FAM174A: variants seen among roughly 807,000 people sequenced by gnomAD.
The protein encoded by FAM174A is membrane protein FAM174A.
Under a neutral mutation model 14.3 loss-of-function variants are expected in FAM174A, and 14 were observed. The observed-to-expected ratio is 0.98, with a 90% CI of 0.65 to 1.53. The LOEUF (loss-of-function observed/expected upper bound fraction) is 1.53. FAM174A is among the 40% of genes most tolerant of loss of function. FAM174A has a pLI of 0.00. For synonymous variants in FAM174A, 108 were observed against 111.4 expected (o/e 0.97, Z 0.19); for missense variants, 241 against 249.6 (o/e 0.97, Z 0.23).
At chr5:100,540,923 C>T (rs1746037290) in intron 1 of FAM174A, among the ~76,000 whole-genome samples, 1 of 152,162 alleles carries the variant, frequency 6.6e-6, no homozygotes, top group Admixed American at 6.5e-5. Flanking sequence ...AGACTACCTG[C>T]CCTGATACTA....
In FAM174A at chr5:100,535,876, G is replaced by A; in HGVS notation, c.346G>A (p.Gly116Ser). ...GGGLAVSPNP[G>S]DKPMTQRALT... ...CGGCCTTGCTGTGAGCCCCAACCCT[G>A]GCGACAAGCCCATGACCCAGCGGGC... Residue 116 changes from glycine to serine, a missense_variant, in exon 1 of 3, where the codon GGC (glycine) becomes AGC (serine). Physicochemically the swap from Gly to Ser is moderately conservative, Grantham distance 56 (BLOSUM62 0). Transcript: ENST00000312637. 6 of 1,613,118 alleles carry A rather than the reference G, an allele frequency of 3.7e-6. No individual in the cohort carries two copies. The highest frequency in any genetic ancestry group is 5.1e-6 in the Non-Finnish European group (6 of 1,179,938).
chr5:100,583,848 T>C (rs1747067511), intron 2 of FAM174A, among the ~76,000 whole-genome samples: 1 of 152,320 alleles, frequency 6.6e-6, no homozygotes, highest in East Asian at 1.9e-4. Flanking sequence ...TTCTCTCTAT[T>C]GGGATCTCTT....
At chr5:100,538,848 GT>G (rs1745992933) in intron 1 of FAM174A, among the ~76,000 whole-genome samples, 1 of 151,584 alleles carries the variant, frequency 6.6e-6, no homozygotes, top group Non-Finnish European at 1.5e-5. Context: ...TCTCTCCACA[GT>G]AAAATGTATA....
chr5:100,561,644 A>G (rs1406163835), intron 1 of FAM174A, among the ~76,000 whole-genome samples: 1 of 151,922 alleles, frequency 6.6e-6, no homozygotes, highest in African/African-American at 2.4e-5. Flanking sequence ...ATATACATAC[A>G]GTTTCTTAGA....
chr5:100,549,377 G>A (rs1005079397), intron 1 of FAM174A, among the ~76,000 whole-genome samples: 3 of 152,036 alleles, frequency 2.0e-5, no homozygotes, highest in African/African-American at 7.2e-5. Context: ...GATATGACAA[G>A]GAAACTATGT....
chr5:100,577,164 A>C (rs1301335132), intron 2 of FAM174A, among the ~76,000 whole-genome samples: 1 of 152,150 alleles, frequency 6.6e-6, no homozygotes. Context: ...TCAAGATATC[A>C]CAAGTACCTT....
chr5:100,553,067 CAT>C (rs916555997), intron 1 of FAM174A, among the ~76,000 whole-genome samples: 51 of 152,108 alleles, frequency 3.4e-4, no homozygotes, highest in Middle Eastern at 3.4e-3. Context: ...TCTATATCTA[CAT>C]GTGTGTGTAT....
intron 2 of FAM174A, among the ~76,000 whole-genome samples, chr5:100,570,474 A>G (rs1015196019): frequency 6.6e-6 from 1 of 151,966 alleles, no homozygotes; most frequent in East Asian, 1.9e-4. Flanking sequence ...AAAAAATGAT[A>G]CTCATGTTTA....
intron 1 of FAM174A, among the ~76,000 whole-genome samples, chr5:100,546,044 C>T (rs1041571260): frequency 2.6e-5 from 4 of 152,168 alleles, no homozygotes; most frequent in Admixed American, 6.6e-5. Context: ...GTATTTTAAT[C>T]AGGATAGTAC....
In FAM174A at chr5:100,586,226, A is replaced by C. The variant is rs1395330239; in HGVS notation, c.*42A>C. ...GAAAGAACTTTATCTTTCTACAATG[A>C]AGAGTGGAATTTCTATGTTTAAGGA... On this transcript the variant is annotated 3_prime_UTR_variant, in exon 3 of 3. Coordinates refer to ENST00000312637, the MANE Select transcript of FAM174A (RefSeq NM_198507.3). 7.2e-7 allele frequency: 1 copy of C among 1,391,004 alleles called. No homozygotes were observed. The highest frequency in any genetic ancestry group is 9.9e-7 in the Non-Finnish European group (1 of 1,010,456). The allele number at this position is 1,391,004 out of a possible 1,614,324, so 86.2% of individuals were successfully genotyped here. A position where few individuals can be genotyped will look rare whatever the true frequency, so the allele number is the denominator to read the frequency against.
intron 2 of FAM174A, chr5:100,581,347 A>G: frequency 1.0e-6 from 1 of 984,058 alleles, no homozygotes; most frequent in Non-Finnish European, 1.2e-6. Flanking sequence ...CTTTTTTCAG[A>G]CTGCTGTGGA....
At chr5:100,558,690 T>C (rs1044436017) in intron 1 of FAM174A, among the ~76,000 whole-genome samples, 43 of 152,314 alleles carry the variant, frequency 2.8e-4, no homozygotes, top group African/African-American at 1.0e-3. Flanking sequence ...TACCATTATG[T>C]AATGGCCTTC....
intron 1 of FAM174A, among the ~76,000 whole-genome samples, chr5:100,537,192 G>T (rs1580360628): frequency 6.6e-6 from 1 of 152,062 alleles, no homozygotes; most frequent in Non-Finnish European, 1.5e-5. Flanking sequence ...GAATTACTTT[G>T]TATGCTTCAA....
chr5:100,569,787 G>C (rs1394795335), intron 2 of FAM174A, among the ~76,000 whole-genome samples: 5 of 151,644 alleles, frequency 3.3e-5, no homozygotes. Flanking sequence ...TGGACAAAAT[G>C]CTCAGCCTCA....
intron 2 of FAM174A, among the ~76,000 whole-genome samples, chr5:100,579,976 T>C (rs914866324): frequency 5.3e-5 from 8 of 152,204 alleles, no homozygotes; most frequent in Admixed American, 5.2e-4. Context: ...GCTTCACTGA[T>C]ATTAATTATA....
intron 2 of FAM174A, among the ~76,000 whole-genome samples, chr5:100,578,074 G>C (rs1746937253): frequency 6.6e-6 from 1 of 152,074 alleles, no homozygotes; most frequent in South Asian, 2.1e-4. Flanking sequence ...GTTTGTAGAA[G>C]AAATAGGAAT....
chr5:100,571,672 G>GTGTGTA (rs1554047761), intron 2 of FAM174A, among the ~76,000 whole-genome samples: 2,740 of 136,620 alleles, frequency 0.02, 86 homozygotes, highest in African/African-American at 0.069. Context: ...GTGTGTGTGT[G>GTGTGTA]TATATATATA....
chr5:100,586,319 G>A lies in FAM174A; in HGVS notation c.*135G>A. 1.9e-6 allele frequency: 1 copy of A among 539,540 alleles called. No homozygotes were observed. Among genetic ancestry groups the A allele is most frequent in the Admixed American group, 3.2e-5 (1 of 31,050 alleles). 33.4% of individuals were successfully genotyped at this position (539,540 alleles called of 1,614,324 possible). On this transcript the variant is annotated 3_prime_UTR_variant, in exon 3 of 3. Transcript: ENST00000312637. Reference sequence around the variant, plus strand: ...CATATATTTTAACAACCTTTAATTTGCTGTTGCAATAAATACCGTATCCTT... The same window carrying A: ...CATATATTTTAACAACCTTTAATTTACTGTTGCAATAAATACCGTATCCTT...
intron 2 of FAM174A, among the ~76,000 whole-genome samples, chr5:100,569,526 A>C (rs1232757609): frequency 6.6e-6 from 1 of 151,902 alleles, no homozygotes; most frequent in African/African-American, 2.4e-5. Context: ...ACTGCAAGGA[A>C]TAACTCTGTG....
Sources: gnomAD v4.1 joint callset for allele counts (sites outside exome capture counted in the v4.1 genomes callset) on GRCh38, gnomAD v4.1.1 for gene constraint, MANE v1.5 for transcripts, NCBI Gene and HGNC (gene_info 2026-07-23, HGNC 2026-07-21) for gene names.